KBTBD11: variants seen among roughly 807,000 people sequenced by gnomAD.
KBTBD11 encodes kelch repeat and BTB domain-containing protein 11.
For synonymous variants in KBTBD11, 747 were observed against 499.0 expected (o/e 1.50, Z -6.63); for missense variants, 1,390 against 1,001.8 (o/e 1.39, Z -5.23).
chr8:1,992,325 G>A (rs1186088996), intron 1 of KBTBD11, among the ~76,000 whole-genome samples: 1 of 152,078 alleles, frequency 6.6e-6, no homozygotes, highest in African/African-American at 2.4e-5. Context: ...CAGTACAAAA[G>A]CACAAATGTT....
chr8:1,988,507 T>C (rs1207396365), intron 1 of KBTBD11, among the ~76,000 whole-genome samples: 2 of 152,254 alleles, frequency 1.3e-5, no homozygotes, highest in Admixed American at 6.5e-5. Flanking sequence ...TTTTCATGTG[T>C]CTGTCGGCTG....
Position 2,001,973 on chromosome 8 carries a change from G to T in KBTBD11, c.781G>T (p.Asp261Tyr). 2 of 1,467,158 alleles carry T rather than the reference G, an allele frequency of 1.4e-6. No homozygotes were observed. Among genetic ancestry groups the T allele is most frequent in the Admixed American group, 2.0e-5 (1 of 50,258 alleles). The allele number at this position is 1,467,158 out of a possible 1,614,324, so 90.9% of individuals were successfully genotyped here. ...LRDAAYCFMS[D>Y]HYLEVLREPA... ...CGACGCCGCCTACTGCTTCATGAGCGACCACTATCTGGAGGTGCTGCGCGA... is the reference window on the plus strand; with the variant it reads ...CGACGCCGCCTACTGCTTCATGAGCTACCACTATCTGGAGGTGCTGCGCGA... The change falls in exon 2 of 2, where the codon GAC (aspartate) becomes TAC (tyrosine). Residue 261 changes from aspartate (D) to tyrosine (Y), a missense_variant. Physicochemically the swap from Asp to Tyr is radical, Grantham distance 160 (BLOSUM62 -3). Coordinates refer to ENST00000320248, the MANE Select transcript of KBTBD11 (RefSeq NM_014867.3).
Position 2,001,942 on chromosome 8 carries a change from G to T in KBTBD11, c.750G>T (p.Glu250Asp). 2.7e-6 allele frequency: 4 copies of T among 1,472,926 alleles called. No individual in the cohort carries two copies. Among genetic ancestry groups the T allele is most frequent in the Non-Finnish European group, 3.6e-6 (4 of 1,109,008 alleles). 91.2% of individuals were successfully genotyped at this position (1,472,926 alleles called of 1,614,324 possible). The change falls in exon 2 of 2, where the codon GAG (glutamate) becomes GAT (aspartate). Residue 250 changes from glutamate to aspartate, a missense_variant. Transcript: ENST00000320248. ...LSAAKRQRLN[E>D]LRDAAYCFMS... ...CGGCCAAGCGGCAGCGGCTGAACGA[G>T]CTGCGCGACGCCGCCTACTGCTTCA...
chr8:2,004,508 C>A lies in KBTBD11; in HGVS notation c.*1444C>A, dbSNP rs993340313. On this transcript the variant is annotated 3_prime_UTR_variant, in exon 2 of 2. Transcript: ENST00000320248. ...TTGTTAATCCAGTAATGGGAACTGC[C>A]ATCTCTGTAGAAATCAGTGGGTAAT... 3 of 167,056 alleles carry A rather than the reference C, an allele frequency of 1.8e-5. No individual in the cohort carries two copies. Among genetic ancestry groups the A allele is most frequent in the Non-Finnish European group, 4.4e-5 (3 of 68,126 alleles). 10.3% of individuals were successfully genotyped at this position (167,056 alleles called of 1,614,324 possible). A position where few individuals can be genotyped will look rare whatever the true frequency, so the allele number is the denominator to read the frequency against.
intron 1 of KBTBD11, among the ~76,000 whole-genome samples, chr8:1,998,078 C>T (rs1407046746): frequency 6.6e-6 from 1 of 152,184 alleles, no homozygotes; most frequent in Non-Finnish European, 1.5e-5. Flanking sequence ...AAATTTGAAA[C>T]TGAAAATGCT....
chr8:1,995,614 C>A (rs1817107929), intron 1 of KBTBD11, among the ~76,000 whole-genome samples: 2 of 152,146 alleles, frequency 1.3e-5, no homozygotes, highest in African/African-American at 2.4e-5. Flanking sequence ...TTCACCCACC[C>A]TCGGTCCTGC....
intron 1 of KBTBD11, among the ~76,000 whole-genome samples, chr8:1,975,540 T>C (rs1056673008): frequency 6.6e-6 from 1 of 152,166 alleles, no homozygotes; most frequent in Non-Finnish European, 1.5e-5. Context: ...GGAGCACAGG[T>C]GTGTAGCAGG....
rs919959060 is a variant in KBTBD11 at position 2,005,939 on chromosome 8, C to T, written c.*2875C>T. ...ATGCAGAGGAATGAGCTTGAGCCTT[C>T]CTCCTTTTCCTTCCGGTTTTATTCT... is the stretch of plus-strand genomic sequence containing the variant. On this transcript the variant is annotated 3_prime_UTR_variant, in exon 2 of 2. Transcript: ENST00000320248. 1 of 167,070 alleles carries T rather than the reference C, an allele frequency of 6.0e-6. No individual in the cohort carries two copies. Among genetic ancestry groups the T allele is most frequent in the Non-Finnish European group, 1.5e-5 (1 of 68,132 alleles). The allele number at this position is 167,070 out of a possible 1,614,324, so 10.3% of individuals were successfully genotyped here.
intron 1 of KBTBD11, chr8:1,974,691 T>C (rs887290322): frequency 1.0e-6 from 1 of 985,290 alleles, no homozygotes; most frequent in African/African-American, 1.7e-5. Flanking sequence ...CCCCGGGCGG[T>C]CTGGGCGGGA....
rs1454105322 is a variant in KBTBD11 at position 2,006,723 on chromosome 8, G to T, written c.*3659G>T. On this transcript the variant is annotated 3_prime_UTR_variant, in exon 2 of 2. Transcript: ENST00000320248. ...CATGTGAGATCAAAGCTCCTCCAAA[G>T]CCTGTTCAAGCTCTAAGCGATTCTC... The T allele has an allele frequency of 6.0e-6, 1 of 167,136 alleles. No homozygotes were observed. The allele number at this position is 167,136 out of a possible 1,614,324, so 10.4% of individuals were successfully genotyped here.
chr8:2,001,605 G>T lies in KBTBD11; in HGVS notation c.413G>T (p.Gly138Val). The change falls in exon 2 of 2, where the codon GGG becomes GTG. Residue 138 changes from glycine (G) to valine (V), a missense_variant. Transcript: ENST00000320248. Reference protein sequence around the residue: ...PVPPGFGAVYGEPDLVLEVSG... With the variant: ...PVPPGFGAVYVEPDLVLEVSG... ...CCCCCGGGGTTCGGGGCGGTGTACG[G>T]GGAGCCGGACCTGGTGCTGGAGGTG... 6.8e-7 allele frequency: 1 copy of T among 1,474,282 alleles called. No individual in the cohort carries two copies. The highest frequency in any genetic ancestry group is 8.9e-7 in the Non-Finnish European group (1 of 1,118,200). The allele number at this position is 1,474,282 out of a possible 1,614,324, so 91.3% of individuals were successfully genotyped here. A position where few individuals can be genotyped will look rare whatever the true frequency, so the allele number is the denominator to read the frequency against.
Position 2,002,623 on chromosome 8 carries a change from C to T in KBTBD11, c.1431C>T (p.Arg477=), listed in dbSNP as rs754923503. Residue 477 remains arginine, a synonymous_variant, in exon 2 of 2, where the codon CGC becomes CGT. Coordinates refer to ENST00000320248, the MANE Select transcript of KBTBD11 (RefSeq NM_014867.3). This position sits in a 1 kb window ranked among gnomAD's most constrained non-coding sequence, Gnocchi z 4.1. ...FYRLLKYDPR[R]DEWQECPCSS... is the part of the protein sequence containing the mutation. The stretch of plus-strand genomic sequence containing the variant: ...GCCTGCTCAAGTATGACCCGCGGCG[C>T]GACGAGTGGCAGGAGTGCCCGTGCA... The T allele has an allele frequency of 6.3e-7, 1 of 1,583,370 alleles. No individual in the cohort carries two copies. The highest frequency in any genetic ancestry group is 1.1e-5 in the South Asian group (1 of 88,356).
chr8:1,993,091 T>C (rs9720404), intron 1 of KBTBD11, among the ~76,000 whole-genome samples: 102,265 of 151,874 alleles, frequency 0.67, 35,384 homozygotes, highest in East Asian at 0.83. Flanking sequence ...AAATGCTGCA[T>C]GCCACCACTC....
chr8:1,996,576 G>C (rs147547307), intron 1 of KBTBD11, among the ~76,000 whole-genome samples: 118 of 152,206 alleles, frequency 7.8e-4, no homozygotes, highest in African/African-American at 2.8e-3. Context: ...CTGAAGGACT[G>C]AGAAGCAAAA....
At chr8:1,984,913 GC>G (rs1282857418) in intron 1 of KBTBD11, among the ~76,000 whole-genome samples, 2 of 152,206 alleles carry the variant, frequency 1.3e-5, no homozygotes, top group African/African-American at 4.8e-5. Context: ...GTCTCTGTTT[GC>G]AAAGCCCAAC....
intron 1 of KBTBD11, among the ~76,000 whole-genome samples, chr8:1,993,524 TCC>T (rs1817008770): frequency 1.1e-5 from 1 of 91,242 alleles, no homozygotes; most frequent in Non-Finnish European, 2.1e-5. Flanking sequence ...CATCCACCCA[TCC>T]ATCCACCCAC....
At chr8:1,990,553 C>T (rs1184695887) in intron 1 of KBTBD11, among the ~76,000 whole-genome samples, 5 of 32,322 alleles carry the variant, frequency 1.5e-4, no homozygotes, top group South Asian at 1.3e-3. Context: ...GGGGCCTTGG[C>T]GCCCTGTCCG....
chr8:1,979,100 G>A (rs866155129), intron 1 of KBTBD11, among the ~76,000 whole-genome samples: 2 of 152,168 alleles, frequency 1.3e-5, no homozygotes, highest in African/African-American at 4.8e-5. Flanking sequence ...GTGTGAGAGG[G>A]ATTAGAGAGC....
rs1161957740 is a variant in KBTBD11, at chr8:1,989,927, T to TG, written c.-908-10358_-908-10357insG. On this transcript the variant is annotated intron_variant, in intron 1 of 1. Transcript: ENST00000320248. ...CAGATAACGATGTCTCAGGTGGTTT[T>TG]TTTTTTTTTTTTTTTTTTTTTTGAG... Among the ~76,000 whole-genome samples the TG allele has an allele frequency of 5.7e-5, 8 of 140,786 alleles. No individual in the cohort carries two copies. The East Asian group carries it at 1.4e-3, about 25-fold the overall frequency. The allele number at this position is 140,786 out of a possible 152,430, so 92.4% of individuals were successfully genotyped here.
Sources: allele counts gnomAD v4.1 joint callset (sites outside exome capture counted in the v4.1 genomes callset), GRCh38; gene constraint gnomAD v4.1.1; non-coding constraint Gnocchi (gnomAD v3.1); transcripts MANE v1.5; gene names NCBI Gene and HGNC (gene_info 2026-07-23, HGNC 2026-07-21).